AEBP2: variants seen among roughly 807,000 people sequenced by gnomAD.
AEBP2 encodes the protein zinc finger protein AEBP2.
Under a neutral mutation model 50.8 loss-of-function variants are expected in AEBP2, and 10 were observed. The observed-to-expected ratio is 0.20, with a 90% CI of 0.12 to 0.33. AEBP2 has a LOEUF of 0.33. Among genes scored for constraint, AEBP2 ranks in the 10% least tolerant of loss-of-function variants. The pLI is 1.00. For missense variants in AEBP2, 570 were observed against 688.0 expected (o/e 0.83, Z 1.92); for synonymous variants, 296 against 261.3 (o/e 1.13, Z -1.28).
At chr12:19,415,233 G>A (rs915012279) in intron 1 of AEBP2, among the ~76,000 whole-genome samples, 1 of 141,830 alleles carries the variant, frequency 7.1e-6, no homozygotes, top group East Asian at 2.2e-4. Flanking sequence ...AGAATCGCTT[G>A]AGCTGGAAGG....
At chr12:19,422,374 T>C (rs1253471189) in intron 1 of AEBP2, among the ~76,000 whole-genome samples, 1 of 152,098 alleles carries the variant, frequency 6.6e-6, no homozygotes, top group African/African-American at 2.4e-5. Flanking sequence ...GGCTGGTTGG[T>C]TATAGTTTGA....
intron 7 of AEBP2, among the ~76,000 whole-genome samples, chr12:19,517,145 T>C (rs374102850): frequency 2.6e-5 from 4 of 152,324 alleles, no homozygotes; most frequent in African/African-American, 9.6e-5. Flanking sequence ...AGCCCCTACA[T>C]TTGTCCTAGT....
chr12:19,416,595 G>A (rs2095742720), intron 1 of AEBP2, among the ~76,000 whole-genome samples: 1 of 150,618 alleles, frequency 6.6e-6, no homozygotes, highest in Admixed American at 6.6e-5. Flanking sequence ...AGTAGAGATG[G>A]GGTTTCACCA....
At chr12:19,514,546 T>C (rs1949290896) in intron 6 of AEBP2, 125 bp from the exon 7 acceptor site, 5 of 628,564 alleles carry the variant, frequency 8.0e-6, no homozygotes, top group Non-Finnish European at 1.3e-5. Context: ...CCCTGGCTTC[T>C]GGGAAACTTG....
At chr12:19,479,639 G>T (rs1440971507) in intron 3 of AEBP2, among the ~76,000 whole-genome samples, 2 of 147,548 alleles carry the variant, frequency 1.4e-5, no homozygotes, top group East Asian at 4.0e-4. Context: ...AGCTCCAGTT[G>T]GGTGCATATA....
At chr12:19,443,010 A>G (rs1041857867) in intron 1 of AEBP2, among the ~76,000 whole-genome samples, 3 of 152,030 alleles carry the variant, frequency 2.0e-5, no homozygotes, top group Non-Finnish European at 2.9e-5. Context: ...TATAATGCCC[A>G]TTTACCTTTC....
chr12:19,456,827 A>C, intron 1 of AEBP2: 1 of 1,547,352 alleles, frequency 6.5e-7, no homozygotes, highest in Non-Finnish European at 8.9e-7. Context: ...TGAGAACACC[A>C]GTCTCCACTC....
chr12:19,487,728 GAAAA>G (rs984532028), intron 3 of AEBP2, among the ~76,000 whole-genome samples: 1 of 148,634 alleles, frequency 6.7e-6, no homozygotes, highest in African/African-American at 2.5e-5. Context: ...AAAACATAAA[GAAAA>G]AAAAAGAGTG....
At chr12:19,466,932 A>G (rs1948486888) in intron 2 of AEBP2, 1 of 407,168 alleles carries the variant, frequency 2.5e-6, no homozygotes, top group African/African-American at 2.2e-5. Flanking sequence ...GAGAAAAGCA[A>G]AACCATTATA....
At chr12:19,490,856 T>TA (rs1006732111) in intron 3 of AEBP2, among the ~76,000 whole-genome samples, 3 of 152,104 alleles carry the variant, frequency 2.0e-5, no homozygotes, top group Non-Finnish European at 4.4e-5. Flanking sequence ...ATGATTTTAA[T>TA]AAAAAAATGG....
chr12:19,437,686 A>T (rs1481896830), upstream of AEBP2, among the ~76,000 whole-genome samples: 1 of 152,234 alleles, frequency 6.6e-6, no homozygotes, highest in Non-Finnish European at 1.5e-5. Flanking sequence ...TTTCACTTTA[A>T]TACATTCCTT....
chr12:19,404,455 T>A (rs1165021162), intron 1 of AEBP2, among the ~76,000 whole-genome samples: 1 of 152,210 alleles, frequency 6.6e-6, no homozygotes, highest in Non-Finnish European at 1.5e-5. Context: ...TACTTCACAG[T>A]GTAGGGTGCT....
At chr12:19,483,712 C>G (rs540309456) in intron 3 of AEBP2, among the ~76,000 whole-genome samples, 1 of 152,156 alleles carries the variant, frequency 6.6e-6, no homozygotes, top group Admixed American at 6.5e-5. Flanking sequence ...TCAGCTTCAT[C>G]GCTTTCCATT....
At chr12:19,516,798 G>A (rs919436186) in intron 7 of AEBP2, among the ~76,000 whole-genome samples, 1 of 152,244 alleles carries the variant, frequency 6.6e-6, no homozygotes, top group South Asian at 2.1e-4. Context: ...AGGCCGAGGT[G>A]GGTGGATCAC....
intron 1 of AEBP2, among the ~76,000 whole-genome samples, chr12:19,430,399 T>C (rs989851067): frequency 6.6e-6 from 1 of 152,186 alleles, no homozygotes; most frequent in African/African-American, 2.4e-5. Context: ...TAGTTTGAAG[T>C]CAGGTAGTGT....
chr12:19,447,890 C>T (rs191219839), intron 1 of AEBP2, among the ~76,000 whole-genome samples: 65 of 152,122 alleles, frequency 4.3e-4, no homozygotes, highest in African/African-American at 1.5e-3. Flanking sequence ...AGCTCGAATG[C>T]GAGGGTGCTG....
intron 1 of AEBP2, among the ~76,000 whole-genome samples, chr12:19,455,167 T>G (rs1415647221): frequency 6.6e-6 from 1 of 151,936 alleles, no homozygotes; most frequent in Non-Finnish European, 1.5e-5. Context: ...CTAATTTTTT[T>G]TTTTTTTAAG....
intron 5 of AEBP2, among the ~76,000 whole-genome samples, chr12:19,505,077 G>C (rs898479136): frequency 1.3e-5 from 2 of 152,156 alleles, no homozygotes; most frequent in African/African-American, 4.8e-5. Flanking sequence ...AAGAGTTGGC[G>C]GGTAAAATAC....
At chr12:19,479,717 G>GTTTCTTTTTTTTTTTTTTT (rs1948698002) in intron 3 of AEBP2, among the ~76,000 whole-genome samples, 1 of 22,314 alleles carries the variant, frequency 4.5e-5, no homozygotes, top group East Asian at 9.0e-4. Flanking sequence ...CTCTTTGTGG[G>GTTTCTTTTTTTTTTTTTTT]TTTTTTTTTT....
Sources: allele counts gnomAD v4.1 joint callset (sites outside exome capture counted in the v4.1 genomes callset), GRCh38; gene constraint gnomAD v4.1.1; transcripts MANE v1.5; gene names NCBI Gene and HGNC (gene_info 2026-07-23, HGNC 2026-07-21).